SGMS2: variants seen among roughly 807,000 people sequenced by gnomAD.
The protein encoded by SGMS2 is phosphatidylcholine:ceramide cholinephosphotransferase 2.
In SGMS2, 21 loss-of-function variants were observed where a neutral mutation model predicts 43.8. The observed-to-expected ratio is 0.48, with a 90% CI of 0.34 to 0.69. The LOEUF (loss-of-function observed/expected upper bound fraction) is 0.69, where lower values mean the gene tolerates loss of function less well. Ranked by LOEUF, SGMS2 falls within the 30% of genes least tolerant of loss-of-function variation. SGMS2 has a pLI of 0.01. For missense variants in SGMS2, 384 were observed against 443.2 expected, an observed-to-expected ratio of 0.87 and a Z score of 1.20; for synonymous variants, 167 against 160.6, an observed-to-expected ratio of 1.04 and a Z score of -0.30.
intron 5 of SGMS2, among the ~76,000 whole-genome samples, chr4:107,905,217 G>A (rs1731456188): frequency 6.6e-6 from 1 of 152,150 alleles, no homozygotes; most frequent in African/African-American, 2.4e-5. Flanking sequence ...ATGGTGGAAG[G>A]CAAAAGGCAT....
intron 2 of SGMS2, among the ~76,000 whole-genome samples, chr4:107,872,558 T>G (rs905480324): frequency 1.3e-5 from 2 of 152,136 alleles, no homozygotes; most frequent in African/African-American, 4.8e-5. Flanking sequence ...TAGTACCAGC[T>G]ACTCAGGAGG....
At chr4:107,889,848 C>T (rs1037720806) in intron 2 of SGMS2, among the ~76,000 whole-genome samples, 24 of 151,954 alleles carry the variant, frequency 1.6e-4, no homozygotes, top group Admixed American at 5.9e-4. Context: ...GATGCCAAAT[C>T]GAACATAAAA....
intron 2 of SGMS2, among the ~76,000 whole-genome samples, chr4:107,863,104 G>T (rs1228076971): frequency 6.6e-6 from 1 of 152,186 alleles, no homozygotes; most frequent in African/African-American, 2.4e-5. Context: ...ACTGGGAGAA[G>T]TGCAGTCTCT....
intron 2 of SGMS2, among the ~76,000 whole-genome samples, chr4:107,885,795 A>C (rs1418656940): frequency 6.6e-6 from 1 of 152,216 alleles, no homozygotes; most frequent in Non-Finnish European, 1.5e-5. Flanking sequence ...TCCTTATAGA[A>C]TCAGTAATAA....
chr4:107,870,383 C>T (rs970623114), intron 2 of SGMS2, among the ~76,000 whole-genome samples: 2 of 152,000 alleles, frequency 1.3e-5, no homozygotes, highest in African/African-American at 2.4e-5. Context: ...TTATTTACTC[C>T]GAGTAGCTGA....
intron 2 of SGMS2, among the ~76,000 whole-genome samples, chr4:107,882,345 A>G (rs1729425287): frequency 6.6e-6 from 1 of 152,084 alleles, no homozygotes; most frequent in African/African-American, 2.4e-5. Context: ...TTTGATTTGT[A>G]TTTCTGTGAT....
chr4:107,892,234 C>CAAA (rs34353350), intron 2 of SGMS2, among the ~76,000 whole-genome samples: 2 of 75,088 alleles, frequency 2.7e-5, no homozygotes, highest in African/African-American at 5.4e-5. Flanking sequence ...ACTAAAACTC[C>CAAA]AAAAAAAAAA....
At chr4:107,853,916 GAGTT>G in intron 1 of SGMS2, among the ~76,000 whole-genome samples, 1 of 152,328 alleles carries the variant, frequency 6.6e-6, no homozygotes, top group South Asian at 2.1e-4. Context: ...GAATGCACAG[GAGTT>G]AGTTATAAAT....
At chr4:107,868,024 G>T (rs1245758143) in intron 2 of SGMS2, 4 of 152,056 alleles carry the variant, frequency 2.6e-5, no homozygotes, top group Admixed American at 1.3e-4. Flanking sequence ...TTTGGCAGAG[G>T]AAATATAGCA....
chr4:107,862,233 T>C (rs540621301), intron 2 of SGMS2, among the ~76,000 whole-genome samples: 65 of 152,234 alleles, frequency 4.3e-4, no homozygotes, highest in Non-Finnish European at 7.8e-4. Flanking sequence ...TGTTTTGTTC[T>C]AGATTTTTGG....
chr4:107,884,330 T>G (rs1311422743), intron 2 of SGMS2, among the ~76,000 whole-genome samples: 3 of 152,196 alleles, frequency 2.0e-5, no homozygotes, highest in African/African-American at 7.2e-5. Context: ...TTCCTTCCCC[T>G]ATATTCTCTT....
chr4:107,830,874 A>G (rs553411998), intron 1 of SGMS2, among the ~76,000 whole-genome samples: 1 of 152,260 alleles, frequency 6.6e-6, no homozygotes, highest in South Asian at 2.1e-4. Flanking sequence ...AAACAGAGAG[A>G]GGTCAGTTGT....
rs752248578 is a variant in SGMS2 at position 107,899,579 on chromosome 4, A to C, written c.460A>C (p.Ile154Leu). ...CATCCCTATTTTTTCTTTTAGGTCA[A>C]TAGTGGGACGCAGATTCTGTTTTAT... ...TQWLFLRYKSIVGRRFCFIIG... is the reference protein window; with the variant it reads ...TQWLFLRYKSLVGRRFCFIIG... Residue 154 changes from isoleucine (I) to leucine (L), a missense_variant, in exon 4 of 7, where the codon ATA (isoleucine) becomes CTA (leucine). Transcript: ENST00000690982. 2 of 1,608,792 alleles carry C rather than the reference A, an allele frequency of 1.2e-6. No individual in the cohort carries two copies. Among genetic ancestry groups the C allele is most frequent in the African/African-American group, 1.3e-5 (1 of 74,642 alleles).
rs1732247285 is a variant in SGMS2 at position 107,913,386 on chromosome 4, C to G, written c.*2833C>G. On this transcript the variant is annotated 3_prime_UTR_variant, in exon 7 of 7. Transcript: ENST00000690982. ...CTTAATTTACTGGCATCTTGGGAAA[C>G]AAGTTTTGCTGTGGCAGGAAGGCTG... The G allele has an allele frequency of 6.6e-6, 1 of 152,012 alleles. No homozygotes were observed. The highest frequency in any genetic ancestry group is 2.1e-4 in the South Asian group (1 of 4,834). The allele number at this position is 152,012 out of a possible 1,614,324, so 9.4% of individuals were successfully genotyped here.
chr4:107,875,635 C>A (rs1728855454), intron 2 of SGMS2, among the ~76,000 whole-genome samples: 1 of 152,058 alleles, frequency 6.6e-6, no homozygotes, highest in Non-Finnish European at 1.5e-5. Context: ...GTGTAACAAG[C>A]CTGCATCTGT....
Position 107,895,717 on chromosome 4 carries a change from AG to A in SGMS2, c.165del (p.Lys55AsnfsTer20). On this transcript the variant is annotated frameshift_variant, in exon 3 of 7. Transcript: ENST00000690982. LOFTEE classifies it high-confidence loss of function. The stretch of plus-strand genomic sequence containing the variant: ...AGTGGGCTGCGAAAAGGCACCAAAA[AG>A]TACCCGGACTATATCCAAATTGCTA... ...LSSGLRKGTK[K>X]YPDYIQIAMP... is the part of the protein sequence containing the mutation. 1 of 1,614,032 alleles carries A rather than the reference AG, an allele frequency of 6.2e-7. No individual in the cohort carries two copies. Among genetic ancestry groups the A allele is most frequent in the Non-Finnish European group, 8.5e-7 (1 of 1,179,964 alleles).
At chr4:107,884,673 A>G (rs1430162628) in intron 2 of SGMS2, among the ~76,000 whole-genome samples, 2 of 152,152 alleles carry the variant, frequency 1.3e-5, no homozygotes, top group East Asian at 1.9e-4. Flanking sequence ...CAGAAACCCA[A>G]AAGAATGCAA....
chr4:107,884,659 T>G (rs980045630), intron 2 of SGMS2, among the ~76,000 whole-genome samples: 3 of 152,204 alleles, frequency 2.0e-5, no homozygotes, highest in Non-Finnish European at 4.4e-5. Context: ...CTGGAGAGGC[T>G]AATCAGAAAC....
intron 2 of SGMS2, among the ~76,000 whole-genome samples, chr4:107,886,430 G>A (rs1729761716): frequency 7.0e-6 from 1 of 142,364 alleles, no homozygotes; most frequent in African/African-American, 2.6e-5. Flanking sequence ...GCCCAGACTG[G>A]TCTTGAACTC....
Sources: allele counts gnomAD v4.1 joint callset (sites outside exome capture counted in the v4.1 genomes callset), GRCh38; gene constraint gnomAD v4.1.1; transcripts MANE v1.5; gene names NCBI Gene and HGNC (gene_info 2026-07-23, HGNC 2026-07-21).